Variants in RAP1GAP2 observed in about 807,000 individuals in gnomAD.
RAP1GAP2 encodes RAP1 GTPase activating protein 2.
A neutral mutation model predicts 95.0 loss-of-function variants in RAP1GAP2; 27 were observed. That is an observed-to-expected ratio of 0.28 (90% confidence interval 0.21 to 0.39). The LOEUF (loss-of-function observed/expected upper bound fraction) is 0.39. RAP1GAP2 is among the 10% of genes least tolerant of loss of function. The pLI is 1.00. For missense variants in RAP1GAP2, 771 were observed against 970.0 expected (o/e 0.79, Z 2.72); for synonymous variants, 373 against 380.9 (o/e 0.98, Z 0.24).
At chr17:2,828,984 CT>C (rs58160165) in intron 2 of RAP1GAP2, among the ~76,000 whole-genome samples, 81 of 80,840 alleles carry the variant, frequency 1.0e-3, no homozygotes, top group African/African-American at 1.4e-3. Context: ...TAATTACTTG[CT>C]TTTTTTTTTT....
At chr17:2,796,310 C>A, upstream of RAP1GAP2, 1 of 576,372 alleles carries the variant, frequency 1.7e-6, no homozygotes, top group South Asian at 2.2e-5. The surrounding 1 kb of genome is among the most constrained non-coding windows in gnomAD (Gnocchi z 4.7). Context: ...ACAACCTCCT[C>A]GGCCTATCTT....
chr17:2,813,075 CT>C (rs576292173), intron 2 of RAP1GAP2, among the ~76,000 whole-genome samples: 253 of 142,124 alleles, frequency 1.8e-3, no homozygotes, highest in Middle Eastern at 7.0e-3. Context: ...AGCATCAGTA[CT>C]TTTTTTTTTT....
chr17:2,987,913 C>G (rs1002027603), intron 11 of RAP1GAP2, among the ~76,000 whole-genome samples: 5 of 152,334 alleles, frequency 3.3e-5, no homozygotes, highest in African/African-American at 1.2e-4. Flanking sequence ...TCATCTGCCG[C>G]TCTTCATGGC....
upstream of RAP1GAP2, among the ~76,000 whole-genome samples, chr17:2,791,682 C>G (rs1430448013): frequency 2.6e-5 from 4 of 152,128 alleles, no homozygotes; most frequent in African/African-American, 9.7e-5. Context: ...TTGGTCCGCG[C>G]TGGCCCACAG....
chr17:2,833,582 T>C (rs1046268809), intron 2 of RAP1GAP2, among the ~76,000 whole-genome samples: 1 of 146,832 alleles, frequency 6.8e-6, no homozygotes, highest in East Asian at 2.0e-4. Flanking sequence ...CCCAGCTACT[T>C]GGGAGGCTGA....
chr17:3,003,916 A>C lies in RAP1GAP2; in HGVS notation c.1201-1453A>C, dbSNP rs9908444. Among the ~76,000 whole-genome samples the C allele has an allele frequency of 0.1, 15,612 of 152,136 alleles. 919 individuals carry two copies. Among genetic ancestry groups the C allele is most frequent in the East Asian group, 0.29 (1,470 of 5,130 alleles). The stretch of plus-strand genomic sequence containing the variant: ...GTGGCCCACAGGGCTCTGCTGTGGG[A>C]CTGTCCAGCTGGAGGGTTGGATGGA... On this transcript the variant is annotated intron_variant, in intron 14 of 24. Transcript: ENST00000254695. This position sits in a 1 kb window ranked among gnomAD's most constrained non-coding sequence, Gnocchi z 4.1.
chr17:2,938,010 G>A (rs933115719), intron 3 of RAP1GAP2, among the ~76,000 whole-genome samples: 8 of 152,150 alleles, frequency 5.3e-5, no homozygotes, highest in African/African-American at 1.7e-4. Flanking sequence ...AGAGGAGACG[G>A]GCTTTGTGCC....
At chr17:3,016,400 TG>T (rs1237932743) in intron 17 of RAP1GAP2, among the ~76,000 whole-genome samples, 1 of 152,184 alleles carries the variant, frequency 6.6e-6, no homozygotes, top group African/African-American at 2.4e-5. Context: ...GCTCTGCCAG[TG>T]GGGAGCTCAG....
chr17:3,024,159 G>T (rs2047034633), intron 19 of RAP1GAP2, among the ~76,000 whole-genome samples: 1 of 152,126 alleles, frequency 6.6e-6, no homozygotes, highest in Non-Finnish European at 1.5e-5. Flanking sequence ...AGGGAAGGTG[G>T]TGAAGCTGAC....
At position 2,933,486 on chromosome 17, in the gene RAP1GAP2, T is replaced by C. The variant is rs536207474; in HGVS notation, c.166-24273T>C. On this transcript the variant is annotated intron_variant, in intron 3 of 24. Coordinates refer to ENST00000254695, the MANE Select transcript of RAP1GAP2 (RefSeq NM_015085.5). The stretch of plus-strand genomic sequence containing the variant: ...AAGGAAGCTTGGAGCGAAGCAGAGA[T>C]TTTCCGGGAGGCCAACACCTCCCTT... 3.9e-5 allele frequency among the ~76,000 whole-genome samples: 6 copies of C among 152,202 alleles called. No homozygotes were observed. In the South Asian group the frequency reaches 1.0e-3, roughly 26 times the overall value.
intron 23 of RAP1GAP2, 42 bp from the exon 24 acceptor site, chr17:3,032,369 G>A (rs1216480615): frequency 6.2e-7 from 1 of 1,613,548 alleles, no homozygotes; most frequent in Non-Finnish European, 8.5e-7. Flanking sequence ...GACCTGTGCT[G>A]TCTGGTTATT....
At chr17:2,767,359 TAAAAAAAAAAAAAA>T (rs397857982) in intron 1 of RAP1GAP2, among the ~76,000 whole-genome samples, 1 of 53,710 alleles carries the variant, frequency 1.9e-5, no homozygotes, top group Non-Finnish European at 3.2e-5. Flanking sequence ...GAGACTCTGT[TAAAAAAAAAAAAAA>T]AAAAAAAAAA....
chr17:2,842,241 C>G (rs1243617147), intron 2 of RAP1GAP2, among the ~76,000 whole-genome samples: 1 of 152,108 alleles, frequency 6.6e-6, no homozygotes, highest in African/African-American at 2.4e-5. Flanking sequence ...TCTAAAAAGT[C>G]TTTTAAAAAT....
intron 8 of RAP1GAP2, among the ~76,000 whole-genome samples, chr17:2,973,096 T>C (rs1310676305): frequency 6.6e-6 from 1 of 152,112 alleles, no homozygotes; most frequent in African/African-American, 2.4e-5. Flanking sequence ...GGTTGATAAA[T>C]GATGCTAGAG....
rs1041230972 is a variant in RAP1GAP2, at chr17:2,867,014, C to T, written c.81-38270C>T. 3.3e-5 allele frequency among the ~76,000 whole-genome samples: 5 copies of T among 151,908 alleles called. No individual in the cohort carries two copies. Among genetic ancestry groups the T allele is most frequent in the African/African-American group, 1.2e-4 (5 of 41,324 alleles). On this transcript the variant is annotated intron_variant, in intron 2 of 24. Coordinates refer to ENST00000254695, the MANE Select transcript of RAP1GAP2 (RefSeq NM_015085.5). This position sits in a 1 kb window ranked among gnomAD's most constrained non-coding sequence, Gnocchi z 4.5. ...CTCTCAGGTTCGAATGATTCTTCTGCCTCATTCTCCCAAGTAGCTGGGATT... is the reference window on the plus strand; with the variant it reads ...CTCTCAGGTTCGAATGATTCTTCTGTCTCATTCTCCCAAGTAGCTGGGATT...
intron 2 of RAP1GAP2, among the ~76,000 whole-genome samples, chr17:2,899,399 G>A (rs1046905914): frequency 3.9e-5 from 6 of 151,998 alleles, no homozygotes; most frequent in Non-Finnish European, 7.4e-5. Flanking sequence ...TTTTAGTAGA[G>A]ACGGGGTTTC....
At chr17:2,832,299 C>T (rs1305560044) in intron 2 of RAP1GAP2, among the ~76,000 whole-genome samples, 1 of 150,656 alleles carries the variant, frequency 6.6e-6, no homozygotes, top group Admixed American at 6.6e-5. Context: ...TGGCTCATGC[C>T]TGTAATCCCA....
chr17:2,946,081 G>A (rs770252832), intron 3 of RAP1GAP2, among the ~76,000 whole-genome samples: 2 of 152,116 alleles, frequency 1.3e-5, no homozygotes, highest in African/African-American at 2.4e-5. Context: ...GTGAGCCACC[G>A]TGCCCGGCCT....
At chr17:2,875,057 G>A (rs1000978398) in intron 2 of RAP1GAP2, among the ~76,000 whole-genome samples, 33 of 152,202 alleles carry the variant, frequency 2.2e-4, no homozygotes, top group Middle Eastern at 6.8e-3. Flanking sequence ...TTTGTTAAAA[G>A]CAAGTTTTTG....
Sources: allele counts gnomAD v4.1 joint callset (sites outside exome capture counted in the v4.1 genomes callset), GRCh38; gene constraint gnomAD v4.1.1; non-coding constraint Gnocchi (gnomAD v3.1); transcripts MANE v1.5; gene names NCBI Gene and HGNC (gene_info 2026-07-23, HGNC 2026-07-21).